Variants in RUSC2 observed in about 807,000 individuals in gnomAD.
RUSC2 encodes AP-4 complex accessory subunit RUSC2.
Under a neutral mutation model 122.2 loss-of-function variants are expected in RUSC2, and 34 were observed. The observed-to-expected ratio is 0.28, with a 90% CI of 0.21 to 0.37. RUSC2 has a LOEUF of 0.37. Among genes scored for constraint, RUSC2 ranks in the 10% least tolerant of loss-of-function variants. The probability of loss-of-function intolerance (pLI) is 1.00; values close to 1 mark genes in which losing one functional copy is unlikely to be tolerated. For missense variants in RUSC2, 1,747 were observed against 1,952.4 expected, an observed-to-expected ratio of 0.89 and a Z score of 1.98; for synonymous variants, 784 against 790.0, an observed-to-expected ratio of 0.99 and a Z score of 0.13.
chr9:35,548,143 T>C lies in RUSC2; in HGVS notation c.1622T>C (p.Val541Ala). Residue 541 changes from valine (V) to alanine (A), a missense_variant, in exon 2 of 12, where the codon GTC (valine) becomes GCC (alanine). Coordinates refer to ENST00000361226, the MANE Select transcript of RUSC2 (RefSeq NM_014806.5). This position sits in a 1 kb window ranked among gnomAD's most constrained non-coding sequence, Gnocchi z 4.5. ...GGGCCTGGCTCCCCACCCAGGAGGGTCACCTCCTTTGCCGAGCTGGCCAAG... is the reference window on the plus strand; with the variant it reads ...GGGCCTGGCTCCCCACCCAGGAGGGCCACCTCCTTTGCCGAGCTGGCCAAG... ...MAGPGSPPRR[V>A]TSFAELAKGR... 6.2e-7 allele frequency: 1 copy of C among 1,613,190 alleles called. No homozygotes were observed. The highest frequency in any genetic ancestry group is 8.5e-7 in the Non-Finnish European group (1 of 1,179,976).
At chr9:35,528,796 C>T (rs1347846218) in intron 1 of RUSC2, among the ~76,000 whole-genome samples, 2 of 152,092 alleles carry the variant, frequency 1.3e-5, no homozygotes, top group African/African-American at 4.8e-5. Context: ...TTTAAATTAG[C>T]TTAAAAGGGC....
intron 1 of RUSC2, among the ~76,000 whole-genome samples, chr9:35,540,795 G>T (rs933752507): frequency 1.3e-5 from 2 of 152,184 alleles, no homozygotes; most frequent in African/African-American, 4.8e-5. Context: ...GGAAGAGGGT[G>T]TGGCCCCAAT....
chr9:35,560,543 G>A lies in RUSC2; in HGVS notation c.3903G>A (p.Glu1301=). 6.2e-7 allele frequency: 1 copy of A among 1,614,162 alleles called. No individual in the cohort carries two copies. The highest frequency in any genetic ancestry group is 8.5e-7 in the Non-Finnish European group (1 of 1,180,004). Residue 1301 remains glutamate, a synonymous_variant, in exon 10 of 12, where the codon GAG becomes GAA. Transcript: ENST00000361226. ...GTGGTAGCAGCAACAGCAGCAGCGA[G>A]AAAAAGAAAGGGGCAGGAGGTGGGG... is the stretch of plus-strand genomic sequence containing the variant. ...FPRGSSNSSS[E]KKKGAGGGGP... is the part of the protein sequence containing the mutation.
chr9:35,550,198 G>A (rs1178272888), intron 2 of RUSC2, among the ~76,000 whole-genome samples: 2 of 147,272 alleles, frequency 1.4e-5, no homozygotes, highest in Admixed American at 6.8e-5. Context: ...CAACAAGAGC[G>A]AAACTCCACC....
intron 1 of RUSC2, among the ~76,000 whole-genome samples, chr9:35,522,125 C>G (rs1395862843): frequency 2.0e-5 from 3 of 152,222 alleles, no homozygotes; most frequent in South Asian, 2.1e-4. Flanking sequence ...TCCATCTAAT[C>G]TCATGGCAAG....
rs957754345 is a variant in RUSC2 at position 35,557,331 on chromosome 9, C to T, written c.2984-583C>T. On this transcript the variant is annotated intron_variant, in intron 5 of 11. Coordinates refer to ENST00000361226, the MANE Select transcript of RUSC2 (RefSeq NM_014806.5). The surrounding 1 kb of genome is among the most constrained non-coding windows in gnomAD (Gnocchi z 4.6). The stretch of plus-strand genomic sequence containing the variant: ...GAAACGGCCACCTTCCTCCAGGACG[C>T]GAAGGGGATGCAAGTGGGCAGGGGA... 4.0e-5 allele frequency among the ~76,000 whole-genome samples: 6 copies of T among 151,830 alleles called. No individual in the cohort carries two copies. The highest frequency in any genetic ancestry group is 7.4e-5 in the Non-Finnish European group (5 of 67,982).
chr9:35,551,877 T>C (rs1714993962), intron 2 of RUSC2, among the ~76,000 whole-genome samples: 1 of 151,452 alleles, frequency 6.6e-6, no homozygotes, highest in Admixed American at 6.6e-5. Flanking sequence ...CTGGGCAATA[T>C]AGTGAGACCC....
At chr9:35,551,440 GA>G (rs1237928031) in intron 2 of RUSC2, among the ~76,000 whole-genome samples, 7 of 152,156 alleles carry the variant, frequency 4.6e-5, no homozygotes, top group Non-Finnish European at 1.0e-4. Flanking sequence ...ATGGGAGGGA[GA>G]TCTCTAGGGA....
chr9:35,545,750 C>T (rs1821731144), intron 1 of RUSC2, among the ~76,000 whole-genome samples: 1 of 152,128 alleles, frequency 6.6e-6, no homozygotes, highest in African/African-American at 2.4e-5. Context: ...ATCAGTCATA[C>T]TTGCAGTCAC....
intron 1 of RUSC2, among the ~76,000 whole-genome samples, chr9:35,505,373 G>A (rs942021635): frequency 4.6e-5 from 7 of 152,040 alleles, no homozygotes; most frequent in Admixed American, 2.6e-4. Context: ...CCCTTCCTTA[G>A]TCCCCGACCC....
chr9:35,534,414 A>C (rs1252527763), intron 1 of RUSC2, among the ~76,000 whole-genome samples: 10 of 122,134 alleles, frequency 8.2e-5, no homozygotes, highest in East Asian at 6.7e-4. Context: ...CATCTCTACA[A>C]ATAATACACA....
chr9:35,502,054 C>T (rs1820826053), intron 1 of RUSC2, among the ~76,000 whole-genome samples: 1 of 152,132 alleles, frequency 6.6e-6, no homozygotes, highest in Non-Finnish European at 1.5e-5. Flanking sequence ...TCCAATACTT[C>T]TACACATGTG....
intron 1 of RUSC2, among the ~76,000 whole-genome samples, chr9:35,496,456 A>G (rs1820715661): frequency 1.3e-5 from 2 of 152,138 alleles, no homozygotes; most frequent in African/African-American, 4.8e-5. Context: ...ACCTGCAGTC[A>G]CTTATCCCGC....
Position 35,561,770 on chromosome 9 carries a change from C to CA in RUSC2, c.*389dup. 1 of 557,220 alleles carries CA rather than the reference C, an allele frequency of 1.8e-6. No homozygotes were observed. The allele number at this position is 557,220 out of a possible 1,614,324, so 34.5% of individuals were successfully genotyped here. On this transcript the variant is annotated 3_prime_UTR_variant, in exon 12 of 12. Coordinates refer to ENST00000361226, the MANE Select transcript of RUSC2 (RefSeq NM_014806.5). ...ATTGGGGCCAGATCCCTAAGCCCCC[C>CA]AGCTGTAAATAGGCTGTGGCCAGTG...
At position 35,555,782 on chromosome 9, in the gene RUSC2, C is replaced by A; in HGVS notation, c.2656+81C>A. On this transcript the variant is annotated intron_variant, in intron 3 of 11. Coordinates refer to ENST00000361226, the MANE Select transcript of RUSC2 (RefSeq NM_014806.5). The surrounding 1 kb of genome is among the most constrained non-coding windows in gnomAD (Gnocchi z 4.6). Reference sequence around the variant, plus strand: ...CACCTCCCCTTTGAGTGGTTGCTTACACTCTCACCTGGGGCCAGAGGTTAG... The same window carrying A: ...CACCTCCCCTTTGAGTGGTTGCTTAAACTCTCACCTGGGGCCAGAGGTTAG... 1 of 1,501,316 alleles carries A rather than the reference C, an allele frequency of 6.7e-7. No homozygotes were observed. The allele number at this position is 1,501,316 out of a possible 1,614,324, so 93.0% of individuals were successfully genotyped here. A position where few individuals can be genotyped will look rare whatever the true frequency, so the allele number is the denominator to read the frequency against.
At chr9:35,504,302 CTAT>C (rs1427523247) in intron 1 of RUSC2, among the ~76,000 whole-genome samples, 3 of 152,056 alleles carry the variant, frequency 2.0e-5, no homozygotes, top group African/African-American at 7.2e-5. Flanking sequence ...CCAGAATTAA[CTAT>C]TATTATTTTG....
intron 1 of RUSC2, among the ~76,000 whole-genome samples, chr9:35,522,597 A>G (rs991701303): frequency 2.0e-5 from 3 of 152,244 alleles, no homozygotes; most frequent in African/African-American, 7.2e-5. Context: ...AACATCCAGC[A>G]TAGCTCCTTA....
chr9:35,517,909 T>C (rs1044873949), intron 1 of RUSC2, among the ~76,000 whole-genome samples: 3 of 152,224 alleles, frequency 2.0e-5, no homozygotes, highest in Admixed American at 2.0e-4. Flanking sequence ...CACCAGAAGA[T>C]GGATACAGTT....
intron 1 of RUSC2, among the ~76,000 whole-genome samples, chr9:35,537,219 A>G (rs867202879): frequency 4.6e-5 from 7 of 152,192 alleles, no homozygotes; most frequent in African/African-American, 1.4e-4. Flanking sequence ...GTCCAGCACA[A>G]TGCATGACTT....
Sources: allele counts gnomAD v4.1 joint callset (sites outside exome capture counted in the v4.1 genomes callset), GRCh38; gene constraint gnomAD v4.1.1; non-coding constraint Gnocchi (gnomAD v3.1); transcripts MANE v1.5; gene names NCBI Gene and HGNC (gene_info 2026-07-23, HGNC 2026-07-21).